Variants in CAMTA1 observed in about 807,000 individuals in gnomAD.
The protein encoded by CAMTA1 is calmodulin binding transcription activator 1.
A neutral mutation model predicts 170.9 loss-of-function variants in CAMTA1; 27 were observed. That is an observed-to-expected ratio of 0.16 (90% CI 0.12 to 0.22). The LOEUF (loss-of-function observed/expected upper bound fraction) is 0.22, where lower values mean the gene tolerates loss of function less well. Ranked by LOEUF, CAMTA1 falls within the 10% of genes least tolerant of loss-of-function variation. The pLI is 1.00. For missense variants in CAMTA1, 1,619 were observed against 2,217.2 expected, an observed-to-expected ratio of 0.73 and a Z score of 5.42; for synonymous variants, 833 against 891.5, an observed-to-expected ratio of 0.93 and a Z score of 1.17.
At chr1:7,615,942 G>T (rs1194964347) in intron 6 of CAMTA1, among the ~76,000 whole-genome samples, 1 of 152,224 alleles carries the variant, frequency 6.6e-6, no homozygotes, top group Non-Finnish European at 1.5e-5. Context: ...GCTCTTTGTG[G>T]AATGTTTTAT....
At chr1:6,805,080 A>G (rs145062102) in intron 1 of CAMTA1, among the ~76,000 whole-genome samples, 1 of 152,210 alleles carries the variant, frequency 6.6e-6, no homozygotes, top group African/African-American at 2.4e-5. Flanking sequence ...AACTCTGTTT[A>G]ACTTTTTGAG....
At chr1:6,832,096 T>A (rs755327135) in intron 3 of CAMTA1, among the ~76,000 whole-genome samples, 15 of 152,048 alleles carry the variant, frequency 9.9e-5, no homozygotes, top group South Asian at 2.1e-4. Flanking sequence ...TTTATTTTTT[T>A]TTTTTGAGAC....
rs1481762430 is a variant in CAMTA1 at position 6,918,714 on chromosome 1, T to C, written c.234+93504T>C. Among the ~76,000 whole-genome samples the C allele has an allele frequency of 1.3e-5, 2 of 152,194 alleles. No individual in the cohort carries two copies. Among genetic ancestry groups the C allele is most frequent in the African/African-American group, 4.8e-5 (2 of 41,450 alleles). ...TGGGCAGAGGGAGGGGAGGCTGGGC[T>C]CCTTGGGACTTCCTGGTGGATGACG... is the stretch of plus-strand genomic sequence containing the variant. On this transcript the variant is annotated intron_variant, in intron 3 of 22. Coordinates refer to ENST00000303635, the MANE Select transcript of CAMTA1 (RefSeq NM_015215.4). This position sits in a 1 kb window ranked among gnomAD's most constrained non-coding sequence, Gnocchi z 4.0.
At chr1:6,912,993 T>TC (rs1680040674) in intron 3 of CAMTA1, among the ~76,000 whole-genome samples, 1 of 152,172 alleles carries the variant, frequency 6.6e-6, no homozygotes, top group Non-Finnish European at 1.5e-5. Context: ...TGCCAGCACC[T>TC]CCCTGTTTTT....
intron 4 of CAMTA1, among the ~76,000 whole-genome samples, chr1:7,098,099 T>TTGTGTGTGTGTGTG (rs61519330): frequency 5.3e-5 from 8 of 150,878 alleles, no homozygotes; most frequent in African/African-American, 7.3e-5. Flanking sequence ...GGTGGACGAA[T>TTGTGTGTGTGTGTG]TGTGTGTGTG....
At chr1:7,385,910 A>G (rs2087907771) in intron 5 of CAMTA1, among the ~76,000 whole-genome samples, 1 of 152,186 alleles carries the variant, frequency 6.6e-6, no homozygotes, top group Non-Finnish European at 1.5e-5. Context: ...TTCGTTCCAC[A>G]TGCAGGAGCC....
chr1:7,111,649 G>A (rs1238265238), intron 4 of CAMTA1, among the ~76,000 whole-genome samples: 4 of 152,092 alleles, frequency 2.6e-5, no homozygotes, highest in Admixed American at 6.6e-5. Flanking sequence ...ACTTTGGGAG[G>A]ATGAGGTGGG....
chr1:7,381,967 T>C (rs2087389869), intron 5 of CAMTA1, among the ~76,000 whole-genome samples: 1 of 152,236 alleles, frequency 6.6e-6, no homozygotes, highest in African/African-American at 2.4e-5. Context: ...GCTGGGCAAC[T>C]GGTTGCTCAT....
chr1:7,564,967 T>G (rs1576094974), intron 6 of CAMTA1, among the ~76,000 whole-genome samples: 2 of 144,184 alleles, frequency 1.4e-5, no homozygotes, highest in African/African-American at 2.6e-5. Flanking sequence ...GGAAGCAAGG[T>G]GGGAGAGTAT....
intron 5 of CAMTA1, among the ~76,000 whole-genome samples, chr1:7,371,650 A>C (rs909576321): frequency 6.6e-6 from 1 of 152,192 alleles, no homozygotes; most frequent in Non-Finnish European, 1.5e-5. Flanking sequence ...GGCTCAACAC[A>C]GTGTGAGAGT....
intron 5 of CAMTA1, among the ~76,000 whole-genome samples, chr1:7,321,066 T>C (rs962031906): frequency 6.6e-6 from 1 of 152,230 alleles, no homozygotes; most frequent in Non-Finnish European, 1.5e-5. Context: ...ATGAGCTCAT[T>C]GCATGTACTT....
At chr1:7,632,119 G>A (rs534616794) in intron 6 of CAMTA1, among the ~76,000 whole-genome samples, 13 of 152,280 alleles carry the variant, frequency 8.5e-5, no homozygotes, top group East Asian at 7.7e-4. Context: ...TCCTACCCTC[G>A]TTGTTCATTA....
chr1:7,640,449 A>G lies in CAMTA1; in HGVS notation c.560A>G (p.Asp187Gly). ...VHYLNVPAIEDCGKPCGPILC... is the reference protein window; with the variant it reads ...VHYLNVPAIEGCGKPCGPILC... ...TACCTGAACGTGCCGGCCATCGAGG[A>G]CTGCGGCAAGCCTTGCGGCCCCATC... Residue 187 changes from aspartate (D) to glycine (G), a missense_variant, in exon 7 of 23, where the codon GAC becomes GGC. Physicochemically the swap from Asp to Gly is moderately conservative, Grantham distance 94. Around this residue, in one of 8 missense-constraint regions of CAMTA1, gnomAD observed 97 missense variants for 225.4 expected, o/e 0.43. Transcript: ENST00000303635. The G allele has an allele frequency of 6.2e-7, 1 of 1,614,158 alleles. No individual in the cohort carries two copies. Among genetic ancestry groups the G allele is most frequent in the South Asian group, 1.1e-5 (1 of 91,082 alleles).
chr1:7,504,227 C>G (rs1464721000), intron 6 of CAMTA1, among the ~76,000 whole-genome samples: 1 of 152,220 alleles, frequency 6.6e-6, no homozygotes, highest in Non-Finnish European at 1.5e-5. Flanking sequence ...GCTCTGCTGC[C>G]CAGGAGGTCT....
intron 5 of CAMTA1, chr1:7,441,259 A>G (rs1346914366): frequency 1.3e-5 from 2 of 152,220 alleles, no homozygotes; most frequent in Non-Finnish European, 2.9e-5. Context: ...GCATTTTGCA[A>G]TGTCCCCCAG....
At chr1:7,229,717 G>A (rs4243824) in intron 4 of CAMTA1, among the ~76,000 whole-genome samples, 101,485 of 151,718 alleles carry the variant, frequency 0.67, 34,746 homozygotes, top group African/African-American at 0.82. Flanking sequence ...CACAGAGGGC[G>A]GGGGTTGGGC....
At chr1:6,912,031 G>T (rs1230959788) in intron 3 of CAMTA1, among the ~76,000 whole-genome samples, 1 of 151,980 alleles carries the variant, frequency 6.6e-6, no homozygotes, top group Non-Finnish European at 1.5e-5. Context: ...TTCTTTTCAG[G>T]CTATAGCTGA....
intron 6 of CAMTA1, among the ~76,000 whole-genome samples, chr1:7,600,707 G>A (rs1360376370): frequency 6.6e-6 from 1 of 151,872 alleles, no homozygotes; most frequent in African/African-American, 2.4e-5. Context: ...CTGCCTTCAA[G>A]CATCTGTTTA....
intron 5 of CAMTA1, among the ~76,000 whole-genome samples, chr1:7,277,768 C>A (rs1039154839): frequency 1.0e-5 from 1 of 96,400 alleles, no homozygotes; most frequent in South Asian, 4.0e-4. Flanking sequence ...CACACACATA[C>A]ACACACTTTT....
Sources: allele counts gnomAD v4.1 joint callset (sites outside exome capture counted in the v4.1 genomes callset), GRCh38; gene constraint gnomAD v4.1.1; regional missense constraint gnomAD v4.1.1; non-coding constraint Gnocchi (gnomAD v3.1); transcripts MANE v1.5; gene names NCBI Gene and HGNC (gene_info 2026-07-23, HGNC 2026-07-21).